The following PLIN4 variants were observed in gnomAD, a reference collection of about 807,000 sequenced individuals.
PLIN4 encodes the protein perilipin 4.
In PLIN4, 57 loss-of-function variants were observed where a neutral mutation model predicts 52.4. The ratio of observed to expected loss-of-function variants is 1.09; its 90% CI spans 0.88 to 1.36. The LOEUF is 1.36. Among genes scored for constraint, PLIN4 ranks in the 40% most tolerant of loss-of-function variants. The probability of loss-of-function intolerance (pLI) is 0.00; values close to 1 mark genes in which losing one functional copy is unlikely to be tolerated. For missense variants in PLIN4, 1,757 were observed against 1,770.3 expected (o/e 0.99, Z 0.13); for synonymous variants, 826 against 785.4 (o/e 1.05, Z -0.86).
rs780736351 is a variant in PLIN4, at chr19:4,510,578, C to T, written c.3382G>A (p.Ala1128Thr). The T allele has an allele frequency of 1.9e-5, 29 of 1,501,580 alleles. No homozygotes were observed. The highest frequency in any genetic ancestry group is 4.6e-5 in the East Asian group (2 of 43,352). 93.0% of individuals were successfully genotyped at this position (1,501,580 alleles called of 1,614,324 possible). Residue 1128 changes from alanine (A) to threonine (T), a missense_variant, in exon 5 of 8, where the codon GCC becomes ACC. Coordinates refer to ENST00000301286, the MANE Select transcript of PLIN4 (RefSeq NM_001367868.2). The part of the protein sequence containing the change: ...TDVATFTQGA[A>T]PGREDTGLLA... ...AGCCCCGTGTCCTCCCTGCCTGGGG[C>T]GGCCCCTTGGGTGAACGTCGCCACG...
In PLIN4 at chr19:4,504,579, C is replaced by T. The variant is rs747152662; in HGVS notation, c.3996G>A (p.Gln1332=). ...VEELPAERLV[Q]SREGVHQAWQ... ...AAGCCTGGTGCACACCCTCGCGGCT[C>T]TGCACCAGCCGCTCTGCGGGCAGCT... The change falls in exon 8 of 8, where the codon CAG becomes CAA. Residue 1332 remains glutamine, a synonymous_variant. Transcript: ENST00000301286. 1 of 1,600,478 alleles carries T rather than the reference C, an allele frequency of 6.2e-7. No individual in the cohort carries two copies. Among genetic ancestry groups the T allele is most frequent in the Non-Finnish European group, 8.5e-7 (1 of 1,176,510 alleles).
At position 4,513,338 on chromosome 19, in the gene PLIN4, CA is replaced by C. The variant is rs1400058705; in HGVS notation, c.621del (p.Val209SerfsTer5). 8.7e-6 allele frequency: 14 copies of C among 1,613,652 alleles called. No individual in the cohort carries two copies. Among genetic ancestry groups the C allele is most frequent in the South Asian group, 4.4e-5 (4 of 91,076 alleles). ...VLTGTKDTVT[T>X]GVMGAVNLAK... Reference sequence around the variant, plus strand: ...GCCAAGTTCACTGCCCCCATGACCCCAGTAGTCACTGTGTCTTTGGTGCCGG... The same window carrying C: ...GCCAAGTTCACTGCCCCCATGACCCCGTAGTCACTGTGTCTTTGGTGCCGG... On this transcript the variant is annotated frameshift_variant, in exon 5 of 8. Transcript: ENST00000301286. LOFTEE classifies it high-confidence loss of function.
At chr19:4,515,586 CAGT>C (rs1479592059) in intron 4 of PLIN4, among the ~76,000 whole-genome samples, 3 of 152,098 alleles carry the variant, frequency 2.0e-5, no homozygotes, top group Non-Finnish European at 4.4e-5. Context: ...TATTTTAATT[CAGT>C]AGTTTTCAAC....
At position 4,518,234 on chromosome 19, in the gene PLIN4, T is replaced by C. The variant is rs1487698349; in HGVS notation, c.39A>G (p.Lys13=). 4.9e-6 allele frequency: 6 copies of C among 1,232,422 alleles called. No individual in the cohort carries two copies. Among genetic ancestry groups the C allele is most frequent in the African/African-American group, 3.1e-5 (2 of 64,350 alleles). The allele number at this position is 1,232,422 out of a possible 1,614,324, so 76.3% of individuals were successfully genotyped here. Reference sequence around the variant, plus strand: ...TTCCCCTCTTTACCTTGCCCTTCGGTTTGGGGGGATCCCGTCTCCCTTCGT... The same window carrying C: ...TTCCCCTCTTTACCTTGCCCTTCGGCTTGGGGGGATCCCGTCTCCCTTCGT... The part of the protein sequence containing the change: ...APDEGRRDPP[K]PKGKTLGSFF... The change falls in exon 2 of 8, where the codon AAA becomes AAG. Residue 13 remains lysine (K), a synonymous_variant. Transcript: ENST00000301286.
Position 4,502,299 on chromosome 19 carries a change from G to A in PLIN4, c.*2160C>T, listed in dbSNP as rs1975936699. 2 of 490,706 alleles carry A rather than the reference G, an allele frequency of 4.1e-6. No individual in the cohort carries two copies. Among genetic ancestry groups the A allele is most frequent in the South Asian group, 3.7e-5 (2 of 53,450 alleles). The allele number at this position is 490,706 out of a possible 1,614,324, so 30.4% of individuals were successfully genotyped here. A position where few individuals can be genotyped will look rare whatever the true frequency, so the allele number is the denominator to read the frequency against. On this transcript the variant is annotated 3_prime_UTR_variant, in exon 8 of 8. Transcript: ENST00000301286. ...GGCGGCAGTGTCACTGGGCCCGTTT[G>A]GGACTGGGTTGAGCCATCAGGCCAC...
Position 4,516,672 on chromosome 19 carries a change from G to T in PLIN4, c.203C>A (p.Ala68Asp). 1 of 1,595,340 alleles carries T rather than the reference G, an allele frequency of 6.3e-7. No homozygotes were observed. Residue 68 changes from alanine to aspartate, a missense_variant, in exon 4 of 8, where the codon GCC becomes GAC. Around this residue, in one of 7 missense-constraint regions of PLIN4, gnomAD observed 332 missense variants for 310.8 expected, o/e 1.07. Coordinates refer to ENST00000301286, the MANE Select transcript of PLIN4 (RefSeq NM_001367868.2). ...CCATGGGGCCGTCTGCTCTGGGTGG[G>T]CAGCCACTGTGGGGACAGGGGCCGG... ...EAAQPQAQVA[A>D]HPEQTAPWTE... is the part of the protein sequence containing the mutation.
At position 4,504,744 on chromosome 19, in the gene PLIN4, G is replaced by A; in HGVS notation, c.3831C>T (p.Leu1277=). ...AGVLSRVCGL[L]RQLHTAYSGL... is the part of the protein sequence containing the mutation. ...CACTGTAGGCCGTGTGCAGCTGCCG[G>A]AGAAGGCCGCAGACCCTGGACAGAA... The change falls in exon 8 of 8, where the codon CTC becomes CTT. Residue 1277 remains leucine, a synonymous_variant. Coordinates refer to ENST00000301286, the MANE Select transcript of PLIN4 (RefSeq NM_001367868.2). 6.2e-7 allele frequency: 1 copy of A among 1,600,076 alleles called. No individual in the cohort carries two copies. The highest frequency in any genetic ancestry group is 2.2e-5 in the East Asian group (1 of 44,596).
In PLIN4 at chr19:4,504,920, C is replaced by G. The variant is rs773310681; in HGVS notation, c.3730G>C (p.Gly1244Arg). 1 of 1,606,952 alleles carries G rather than the reference C, an allele frequency of 6.2e-7. No individual in the cohort carries two copies. The highest frequency in any genetic ancestry group is 1.1e-5 in the South Asian group (1 of 89,632). The change falls in exon 7 of 8, where the codon GGG becomes CGG. Residue 1244 changes from glycine (G) to arginine (R), a missense_variant. Gly to Arg is a moderately radical substitution (Grantham distance 125). Transcript: ENST00000301286. Reference sequence around the variant, plus strand: ...GAGCCCTGGTCCAGACGTGGCTGCCCTTCTGGAGCCTGCTGGGCCTTTTCA... The same window carrying G: ...GAGCCCTGGTCCAGACGTGGCTGCCGTTCTGGAGCCTGCTGGGCCTTTTCA... Reference protein sequence around the residue: ...LIEKAQQAPEGQPRLDQGSGA... With the variant: ...LIEKAQQAPERQPRLDQGSGA...
chr19:4,516,637 C>A lies in PLIN4; in HGVS notation c.238G>T (p.Glu80Ter), dbSNP rs1259667936. The A allele has an allele frequency of 2.5e-6, 4 of 1,604,936 alleles. No individual in the cohort carries two copies. The African/African-American group carries it at 4.0e-5, about 16-fold the overall frequency. ...CTCACCTTTTCCGAAGGTTGCAGCT[C>A]CTTCTCCGTCCATGGGGCCGTCTGC... Reference protein sequence around the residue: ...PEQTAPWTEKELQPSEKMVSG... With the variant: ...PEQTAPWTEK The change falls in exon 4 of 8, where the codon GAG (glutamate) becomes TAG (stop). Residue 80 changes from glutamate (E) to a stop codon, truncating the protein, a stop_gained. Transcript: ENST00000301286. LOFTEE classifies it high-confidence loss of function.
In PLIN4 at chr19:4,504,514, T is replaced by C. The variant is rs1976025389; in HGVS notation, c.4061A>G (p.Asn1354Ser). ...CCCTACCAGCCAGCTGAGCGGGGGA[T>C]TGTGCTGTAGGCCCTCCAGCAGCTG... is the stretch of plus-strand genomic sequence containing the variant. Reference protein sequence around the residue: ...LEQLLEGLQHNPPLSWLVGPF... With the variant: ...LEQLLEGLQHSPPLSWLVGPF... The change falls in exon 8 of 8, where the codon AAT becomes AGT. Residue 1354 changes from asparagine (N) to serine (S), a missense_variant. Asn to Ser is a conservative substitution (Grantham distance 46, BLOSUM62 1). Around this residue, in one of 7 missense-constraint regions of PLIN4, gnomAD observed 712 missense variants for 637.1 expected, o/e 1.12. Coordinates refer to ENST00000301286, the MANE Select transcript of PLIN4 (RefSeq NM_001367868.2). 2.5e-6 allele frequency: 4 copies of C among 1,602,652 alleles called. No individual in the cohort carries two copies. The highest frequency in any genetic ancestry group is 1.3e-5 in the African/African-American group (1 of 74,852).
At position 4,510,628 on chromosome 19, in the gene PLIN4, G is replaced by T. The variant is rs1406455956; in HGVS notation, c.3332C>A (p.Ala1111Asp). 2 of 1,507,090 alleles carry T rather than the reference G, an allele frequency of 1.3e-6. No homozygotes were observed. The highest frequency in any genetic ancestry group is 2.8e-5 in the African/African-American group (2 of 71,546). 93.4% of individuals were successfully genotyped at this position (1,507,090 alleles called of 1,614,324 possible). Reference sequence around the variant, plus strand: ...GTCAGTCGCAAGGCCCTTGGTAGTGGCTGCGGCTTCCCAGGCAGGCTCCGG... The same window carrying T: ...GTCAGTCGCAAGGCCCTTGGTAGTGTCTGCGGCTTCCCAGGCAGGCTCCGG... ...VGPEPAWEAA[A>D]TTKGLATDVA... Residue 1111 changes from alanine to aspartate, a missense_variant, in exon 5 of 8, where the codon GCC (alanine) becomes GAC (aspartate). Around this residue, in one of 7 missense-constraint regions of PLIN4, gnomAD observed 712 missense variants for 637.1 expected, o/e 1.12. Coordinates refer to ENST00000301286, the MANE Select transcript of PLIN4 (RefSeq NM_001367868.2).
rs539561083 is a variant in PLIN4 at position 4,513,965 on chromosome 19, C to T, written c.259-264G>A. ...GCCAGCCTCTTCCATTCTCACGCAC[C>T]CCCTTTCCCGGCTGCAGGCAGGCCT... is the stretch of plus-strand genomic sequence containing the variant. On this transcript the variant is annotated intron_variant, in intron 4 of 7. Transcript: ENST00000301286. Among the ~76,000 whole-genome samples the T allele has an allele frequency of 7.2e-5, 11 of 152,312 alleles. No individual in the cohort carries two copies. In the South Asian group the frequency reaches 2.3e-3, roughly 32 times the overall value.
In PLIN4 at chr19:4,504,373, G is replaced by T; in HGVS notation, c.*86C>A. ...TCTAGGGCTTTAGGGAACCGATCCA[G>T]GTTTGGGGGCGGGGAGAAAGTTCTG... On this transcript the variant is annotated 3_prime_UTR_variant, in exon 8 of 8. Coordinates refer to ENST00000301286, the MANE Select transcript of PLIN4 (RefSeq NM_001367868.2). 1 of 1,317,956 alleles carries T rather than the reference G, an allele frequency of 7.6e-7. No individual in the cohort carries two copies. Among genetic ancestry groups the T allele is most frequent in the Non-Finnish European group, 1.0e-6 (1 of 992,230 alleles). The allele number at this position is 1,317,956 out of a possible 1,614,324, so 81.6% of individuals were successfully genotyped here.
In PLIN4 at chr19:4,502,328, G is replaced by GAA. The variant is rs1975938676; in HGVS notation, c.*2130_*2131insTT. The GAA allele has an allele frequency of 4.8e-6, 2 of 418,786 alleles. No individual in the cohort carries two copies. The highest frequency in any genetic ancestry group is 8.8e-6 in the Non-Finnish European group (2 of 227,096). 25.9% of individuals were successfully genotyped at this position (418,786 alleles called of 1,614,324 possible). On this transcript the variant is annotated 3_prime_UTR_variant, in exon 8 of 8. Transcript: ENST00000301286. ...CTGGGTTGAGCCATCAGGCCACCGT[G>GAA]AGAAGCGACTAAAAGGCACTCTGGG... is the stretch of plus-strand genomic sequence containing the variant.
rs999800874 is a variant in PLIN4 at position 4,503,031 on chromosome 19, A to C, written c.*1428T>G. 1.3e-5 allele frequency: 2 copies of C among 152,140 alleles called. No homozygotes were observed. The highest frequency in any genetic ancestry group is 4.8e-5 in the African/African-American group (2 of 41,410). The allele number at this position is 152,140 out of a possible 1,614,324, so 9.4% of individuals were successfully genotyped here. On this transcript the variant is annotated 3_prime_UTR_variant, in exon 8 of 8. Coordinates refer to ENST00000301286, the MANE Select transcript of PLIN4 (RefSeq NM_001367868.2). The stretch of plus-strand genomic sequence containing the variant: ...GGCCATGGGTGTCGGGCTGAGGAGA[A>C]GGCTTGGGAAGGCTCCTGACCCGTC...
rs1482434812 is a variant in PLIN4 at position 4,512,754 on chromosome 19, C to T, written c.1206G>A (p.Thr402=). The T allele has an allele frequency of 5.8e-6, 9 of 1,555,974 alleles. No homozygotes were observed. The highest frequency in any genetic ancestry group is 2.2e-5 in the South Asian group (2 of 89,348). ...TKSMVMGTKD[T]MSTGLTGAAN... The stretch of plus-strand genomic sequence containing the variant: ...CTGCCCCTGTGAGCCCAGTGGACAT[C>T]GTGTCTTTCGTACCCATGACCATAG... The change falls in exon 5 of 8, where the codon ACG becomes ACA. Residue 402 remains threonine (T), a synonymous_variant. Coordinates refer to ENST00000301286, the MANE Select transcript of PLIN4 (RefSeq NM_001367868.2).
Position 4,517,668 on chromosome 19 carries a change from C to T in PLIN4, c.82G>A (p.Gly28Ser). The T allele has an allele frequency of 6.2e-7, 1 of 1,601,446 alleles. No individual in the cohort carries two copies. Among genetic ancestry groups the T allele is most frequent in the Non-Finnish European group, 8.5e-7 (1 of 1,174,748 alleles). ...ACCAGGTTCCGGGCAGAGCTGAAGC[C>T]AGGCAGGGACCCAAAGAAGCTGCCC... Reference protein sequence around the residue: ...TLGSFFGSLPGFSSARNLVAN... With the variant: ...TLGSFFGSLPSFSSARNLVAN... Residue 28 changes from glycine to serine, a missense_variant, in exon 3 of 8, where the codon GGC becomes AGC. Coordinates refer to ENST00000301286, the MANE Select transcript of PLIN4 (RefSeq NM_001367868.2).
intron 4 of PLIN4, among the ~76,000 whole-genome samples, chr19:4,514,667 G>T (rs1219186470): frequency 1.3e-5 from 2 of 151,262 alleles, no homozygotes; most frequent in Non-Finnish European, 2.9e-5. Context: ...GGCGGAGCTT[G>T]CAGTGAGCCG....
Position 4,511,921 on chromosome 19 carries a change from C to T in PLIN4, c.2039G>A (p.Gly680Glu), listed in dbSNP as rs754635451. 6.3e-7 allele frequency: 1 copy of T among 1,598,400 alleles called. No individual in the cohort carries two copies. Among genetic ancestry groups the T allele is most frequent in the Non-Finnish European group, 8.6e-7 (1 of 1,169,322 alleles). ...GVTSAVNVAK[G>E]AAQTGVDTAK... ...CGTGTCTACACCTGTCTGGGCAGCC[C>T]CTTTGGCCACATTCACAGCACTGGT... is the stretch of plus-strand genomic sequence containing the variant. The change falls in exon 5 of 8, where the codon GGG becomes GAG. Residue 680 changes from glycine to glutamate, a missense_variant. By Grantham distance (98) the Gly-to-Glu change is moderately conservative. Coordinates refer to ENST00000301286, the MANE Select transcript of PLIN4 (RefSeq NM_001367868.2).
Sources: gnomAD v4.1 joint callset for allele counts (sites outside exome capture counted in the v4.1 genomes callset) on GRCh38, gnomAD v4.1.1 for gene constraint, gnomAD v4.1.1 regional missense constraint, MANE v1.5 for transcripts, NCBI Gene and HGNC (gene_info 2026-07-23, HGNC 2026-07-21) for gene names.